DDX10: variants seen among roughly 807,000 people sequenced by gnomAD.
DDX10 encodes probable ATP-dependent RNA helicase DDX10.
Under a neutral mutation model 104.3 loss-of-function variants are expected in DDX10, and 74 were observed. That is an observed-to-expected ratio of 0.71 (90% confidence interval 0.59 to 0.86). The LOEUF is 0.86. Among genes scored for constraint, DDX10 ranks in the 40% least tolerant of loss-of-function variants. The pLI is 0.00. For missense variants in DDX10, 952 were observed against 1,040.0 expected (o/e 0.92, Z 1.16); for synonymous variants, 351 against 353.4 (o/e 0.99, Z 0.08).
chr11:108,852,082 T>A, intron 15 of DDX10, 71 bp from the exon 16 acceptor site: 1 of 1,192,824 alleles, frequency 8.4e-7, no homozygotes, highest in Non-Finnish European at 1.2e-6. Context: ...GAAATAAAAC[T>A]GTAATGAATG....
intron 13 of DDX10, among the ~76,000 whole-genome samples, chr11:108,735,623 T>C (rs2094317428): frequency 1.3e-5 from 2 of 152,056 alleles, no homozygotes; most frequent in Non-Finnish European, 2.9e-5. Flanking sequence ...AGTATGAAAC[T>C]TGAAAATAGT....
At chr11:108,885,278 T>C (rs767305078) in intron 16 of DDX10, among the ~76,000 whole-genome samples, 1 of 152,108 alleles carries the variant, frequency 6.6e-6, no homozygotes, top group East Asian at 1.9e-4. Flanking sequence ...TAGCTCCTCA[T>C]TGCACAGTGA....
intron 13 of DDX10, among the ~76,000 whole-genome samples, chr11:108,758,305 G>T (rs571683609): frequency 1.3e-5 from 2 of 152,046 alleles, no homozygotes; most frequent in Non-Finnish European, 2.9e-5. Flanking sequence ...GTCTATAAGA[G>T]ATCTGAAGTA....
intron 13 of DDX10, among the ~76,000 whole-genome samples, chr11:108,732,517 G>T (rs2094313520): frequency 6.6e-6 from 1 of 152,190 alleles, no homozygotes; most frequent in Non-Finnish European, 1.5e-5. Context: ...CGGCGTAAAT[G>T]GAGACGAGAG....
At chr11:108,886,328 G>T (rs1863295733) in intron 16 of DDX10, among the ~76,000 whole-genome samples, 1 of 152,132 alleles carries the variant, frequency 6.6e-6, no homozygotes, top group South Asian at 2.1e-4. Context: ...AGAAAGCTTA[G>T]GTAAAATACA....
chr11:108,665,070 C>G lies in DDX10; in HGVS notation c.-84C>G. 1 of 1,413,532 alleles carries G rather than the reference C, an allele frequency of 7.1e-7. No individual in the cohort carries two copies. Among genetic ancestry groups the G allele is most frequent in the South Asian group, 1.6e-5 (1 of 61,148 alleles). The allele number at this position is 1,413,532 out of a possible 1,614,324, so 87.6% of individuals were successfully genotyped here. A position where few individuals can be genotyped will look rare whatever the true frequency, so the allele number is the denominator to read the frequency against. ...CTGAGTTCGCGCATGCGCCTCTGTGCGTTTGTCCCATGCTGGTTCCGTGAG... is the reference window on the plus strand; with the variant it reads ...CTGAGTTCGCGCATGCGCCTCTGTGGGTTTGTCCCATGCTGGTTCCGTGAG... On this transcript the variant is annotated 5_prime_UTR_variant, in exon 1 of 18. Transcript: ENST00000322536.
intron 13 of DDX10, among the ~76,000 whole-genome samples, chr11:108,729,002 C>T (rs1454263351): frequency 1.3e-5 from 2 of 152,116 alleles, no homozygotes; most frequent in Non-Finnish European, 2.9e-5. Flanking sequence ...AAGAGTTCTA[C>T]TAATTGGCAG....
intron 13 of DDX10, among the ~76,000 whole-genome samples, chr11:108,776,522 A>G (rs1360898008): frequency 6.6e-6 from 1 of 152,196 alleles, no homozygotes; most frequent in Non-Finnish European, 1.5e-5. Flanking sequence ...AAGTGGGTAC[A>G]GTACATAGAA....
At position 108,808,894 on chromosome 11, in the gene DDX10, T is replaced by C. The variant is rs1458677893; in HGVS notation, c.1966-29552T>C. ...ACAAAGAACGTCCATGTGCTTGCAATTAGGGCATGTACGTAGTTTTTATAA... is the reference window on the plus strand; with the variant it reads ...ACAAAGAACGTCCATGTGCTTGCAACTAGGGCATGTACGTAGTTTTTATAA... On this transcript the variant is annotated intron_variant, in intron 13 of 17. Transcript: ENST00000322536. Among the ~76,000 whole-genome samples the C allele has an allele frequency of 2.0e-5, 3 of 152,214 alleles. No individual in the cohort carries two copies. The East Asian group carries it at 5.8e-4, about 29-fold the overall frequency.
intron 13 of DDX10, among the ~76,000 whole-genome samples, chr11:108,761,970 A>T (rs1333274548): frequency 6.6e-6 from 1 of 152,180 alleles, no homozygotes; most frequent in Non-Finnish European, 1.5e-5. Flanking sequence ...TCAAAGTTTG[A>T]GTTACTGCCC....
At chr11:108,797,641 A>T (rs1861963633) in intron 13 of DDX10, among the ~76,000 whole-genome samples, 1 of 152,232 alleles carries the variant, frequency 6.6e-6, no homozygotes, top group East Asian at 1.9e-4. Flanking sequence ...TGCATCTATC[A>T]TATAATTTGT....
At chr11:108,703,878 G>T (rs1358575871) in intron 9 of DDX10, among the ~76,000 whole-genome samples, 1 of 152,186 alleles carries the variant, frequency 6.6e-6, no homozygotes, top group Non-Finnish European at 1.5e-5. Flanking sequence ...GGGAAAAGAT[G>T]TGTGTAATGT....
chr11:108,719,082 G>A (rs1213398988), intron 11 of DDX10, among the ~76,000 whole-genome samples: 1 of 143,784 alleles, frequency 7.0e-6, no homozygotes, highest in Non-Finnish European at 1.5e-5. Context: ...ATTCTGGTTT[G>A]TGTAACTCTA....
intron 1 of DDX10, among the ~76,000 whole-genome samples, chr11:108,672,106 T>C (rs1424036261): frequency 1.3e-5 from 2 of 151,542 alleles, no homozygotes; most frequent in African/African-American, 4.8e-5. Flanking sequence ...TATATAGTTT[T>C]CTGTTGTAAT....
At position 108,716,178 on chromosome 11, in the gene DDX10, C is replaced by T. The variant is rs2094291057; in HGVS notation, c.1410+212C>T. 2.6e-5 allele frequency among the ~76,000 whole-genome samples: 4 copies of T among 152,286 alleles called. No individual in the cohort carries two copies. The South Asian group carries it at 8.3e-4, about 32-fold the overall frequency. On this transcript the variant is annotated intron_variant, in intron 11 of 17. Transcript: ENST00000322536. Reference sequence around the variant, plus strand: ...TGGCATGATCTCAGCTCACTACAACCTCTGTCTCCCAGGCTCAAGTGATTC... The same window carrying T: ...TGGCATGATCTCAGCTCACTACAACTTCTGTCTCCCAGGCTCAAGTGATTC...
intron 16 of DDX10, among the ~76,000 whole-genome samples, chr11:108,915,351 A>AC: frequency 6.6e-6 from 1 of 152,152 alleles, no homozygotes; most frequent in Middle Eastern, 3.4e-3. Flanking sequence ...ATTTTGGAAA[A>AC]CTTGTATTCA....
intron 1 of DDX10, among the ~76,000 whole-genome samples, chr11:108,669,082 A>T (rs1025425575): frequency 5.3e-5 from 8 of 150,834 alleles, no homozygotes; most frequent in Non-Finnish European, 1.2e-4. Flanking sequence ...GCAGTTGCCA[A>T]GAGTGGAGCT....
At chr11:108,745,945 A>G (rs966147053) in intron 13 of DDX10, among the ~76,000 whole-genome samples, 3 of 152,106 alleles carry the variant, frequency 2.0e-5, no homozygotes, top group Non-Finnish European at 4.4e-5. Context: ...TTAGTCATTT[A>G]AAGTATGTAA....
chr11:108,780,481 A>G (rs758511314), intron 13 of DDX10, among the ~76,000 whole-genome samples: 21 of 152,066 alleles, frequency 1.4e-4, no homozygotes, highest in Non-Finnish European at 2.2e-4. Flanking sequence ...GCCAGAAAAC[A>G]TCTTTGCTTG....
Sources: allele counts gnomAD v4.1 joint callset (sites outside exome capture counted in the v4.1 genomes callset), GRCh38; gene constraint gnomAD v4.1.1; transcripts MANE v1.5; gene names NCBI Gene and HGNC (gene_info 2026-07-23, HGNC 2026-07-21).